The following MGAT4C variants were observed in gnomAD, a reference collection of about 807,000 sequenced individuals.
MGAT4C encodes MGAT4 family member C, also known as alpha-1,3-mannosyl-glycoprotein 4-beta-N-acetylglucosaminyltransferase C.
Under a neutral mutation model 40.1 loss-of-function variants are expected in MGAT4C, and 19 were observed. That is an observed-to-expected ratio of 0.47 (90% confidence interval 0.33 to 0.70). The LOEUF is 0.70. MGAT4C is among the 30% of genes least tolerant of loss of function. The probability of loss-of-function intolerance (pLI) is 0.02; values close to 1 mark genes in which losing one functional copy is unlikely to be tolerated. For synonymous variants in MGAT4C, 181 were observed against 187.1 expected, an observed-to-expected ratio of 0.97 and a Z score of 0.27; for missense variants, 491 against 563.2, an observed-to-expected ratio of 0.87 and a Z score of 1.30.
At chr12:86,406,079 A>G (rs1252646068) in intron 3 of MGAT4C, among the ~76,000 whole-genome samples, 1 of 146,628 alleles carries the variant, frequency 6.8e-6, no homozygotes, top group African/African-American at 2.5e-5. Context: ...TTATATATAT[A>G]TAAAACTTTG....
intron 2 of MGAT4C, among the ~76,000 whole-genome samples, chr12:86,033,486 G>A (rs1214119087): frequency 2.0e-5 from 3 of 149,292 alleles, no homozygotes; most frequent in Non-Finnish European, 4.5e-5. Flanking sequence ...CTAGTTAGCT[G>A]TATTTCTAGG....
chr12:86,297,705 A>T (rs2136136074), intron 4 of MGAT4C, among the ~76,000 whole-genome samples: 1 of 152,298 alleles, frequency 6.6e-6, no homozygotes, highest in Middle Eastern at 3.4e-3. Context: ...ACCTTTGACT[A>T]CTATCAACTC....
intron 2 of MGAT4C, among the ~76,000 whole-genome samples, chr12:86,675,495 G>C (rs1964368926): frequency 6.6e-6 from 1 of 152,110 alleles, no homozygotes; most frequent in Non-Finnish European, 1.5e-5. Context: ...GATGACCAAG[G>C]CTTTTAAAGA....
At chr12:86,401,708 T>A (rs1277111142) in intron 3 of MGAT4C, among the ~76,000 whole-genome samples, 3 of 152,182 alleles carry the variant, frequency 2.0e-5, no homozygotes, top group Non-Finnish European at 4.4e-5. Flanking sequence ...CAGCACATTA[T>A]AACATTAGCA....
At chr12:86,407,730 G>A (rs1373693062) in intron 3 of MGAT4C, among the ~76,000 whole-genome samples, 4 of 152,044 alleles carry the variant, frequency 2.6e-5, no homozygotes, top group East Asian at 1.9e-4. Context: ...CATACTCCTC[G>A]CTACTCTGTA....
chr12:85,990,580 T>C (rs1040393803), intron 2 of MGAT4C, among the ~76,000 whole-genome samples: 1 of 152,092 alleles, frequency 6.6e-6, no homozygotes, highest in African/African-American at 2.4e-5. Flanking sequence ...AAATCTTATC[T>C]CTTCAATGAA....
At position 85,979,004 on chromosome 12, in the gene MGAT4C, A is replaced by G. The variant is rs1488892509; in HGVS notation, c.*285T>C. The G allele has an allele frequency of 9.2e-6, 2 of 217,518 alleles. No homozygotes were observed. Among genetic ancestry groups the G allele is most frequent in the Non-Finnish European group, 1.8e-5 (2 of 110,284 alleles). The allele number at this position is 217,518 out of a possible 1,614,324, so 13.5% of individuals were successfully genotyped here. On this transcript the variant is annotated 3_prime_UTR_variant, in exon 5 of 5. Coordinates refer to ENST00000611864, the MANE Select transcript of MGAT4C (RefSeq NM_001351288.2). The stretch of plus-strand genomic sequence containing the variant: ...AAATTTTTTTCATTTAAAATCTTTC[A>G]TATTACCCTTTCGACAATCAGTTGA...
intron 1 of MGAT4C, among the ~76,000 whole-genome samples, chr12:86,244,386 A>C (rs2136054462): frequency 6.6e-6 from 1 of 152,294 alleles, no homozygotes; most frequent in East Asian, 1.9e-4. Context: ...TCCTTCTAAA[A>C]GTAGCTTTAT....
intron 3 of MGAT4C, among the ~76,000 whole-genome samples, chr12:86,334,348 C>T (rs2136176595): frequency 6.6e-6 from 1 of 152,190 alleles, no homozygotes; most frequent in East Asian, 1.9e-4. Flanking sequence ...AGAAACTTAA[C>T]TAAGGCTATG....
intron 2 of MGAT4C, among the ~76,000 whole-genome samples, chr12:86,699,990 C>G (rs758301550): frequency 6.7e-6 from 1 of 149,176 alleles, no homozygotes; most frequent in South Asian, 2.1e-4. Flanking sequence ...TATAATTGGG[C>G]CTATGCAGTT....
chr12:86,319,059 C>T (rs1339896606), intron 4 of MGAT4C, among the ~76,000 whole-genome samples: 3 of 152,166 alleles, frequency 2.0e-5, no homozygotes, highest in Non-Finnish European at 1.5e-5. Flanking sequence ...TACCCTTCTA[C>T]AAGACTCAGG....
intron 3 of MGAT4C, among the ~76,000 whole-genome samples, chr12:86,357,810 C>A (rs1955351988): frequency 6.6e-6 from 1 of 152,106 alleles, no homozygotes; most frequent in Admixed American, 6.5e-5. Context: ...ACAAAGCCTG[C>A]AAGAAACATG....
chr12:86,632,858 T>C (rs1681501442), intron 2 of MGAT4C, among the ~76,000 whole-genome samples: 1 of 152,010 alleles, frequency 6.6e-6, no homozygotes, highest in African/African-American at 2.4e-5. Flanking sequence ...TATACATGTG[T>C]AACAAACCTG....
intron 2 of MGAT4C, among the ~76,000 whole-genome samples, chr12:86,661,081 G>A (rs1374968216): frequency 6.6e-6 from 1 of 152,050 alleles, no homozygotes; most frequent in African/African-American, 2.4e-5. Flanking sequence ...TGGTTAAAAA[G>A]TTTATGGGTA....
chr12:86,342,902 G>A (rs760868355), intron 3 of MGAT4C, among the ~76,000 whole-genome samples: 5 of 152,034 alleles, frequency 3.3e-5, no homozygotes, highest in African/African-American at 4.8e-5. Context: ...AAGAAAGATC[G>A]CTGCAAACAG....
chr12:86,529,851 C>A (rs368827522), intron 2 of MGAT4C, among the ~76,000 whole-genome samples: 1 of 151,920 alleles, frequency 6.6e-6, no homozygotes, highest in African/African-American at 2.4e-5. Flanking sequence ...TACCAAAAAT[C>A]TGTACATGTT....
chr12:86,586,412 C>T lies in MGAT4C; in HGVS notation c.-229+140797G>A, dbSNP rs374620353. Among the ~76,000 whole-genome samples, 195 of 51,364 alleles carry T rather than the reference C, an allele frequency of 3.8e-3. 21 individuals are homozygous for T. The highest frequency in any genetic ancestry group is 9.1e-3 in the African/African-American group (188 of 20,604). 33.7% of individuals were successfully genotyped at this position (51,364 alleles called of 152,430 possible). On this transcript the variant is annotated intron_variant, in intron 2 of 7. Coordinates refer to the MGAT4C transcript ENST00000548651. ...TGTGAATAGTGCCGCAATAAACATA[C>T]GTGTGCATGTATCTTTATAGCAGCA... is the stretch of plus-strand genomic sequence containing the variant.
chr12:86,128,200 T>C (rs1245615599), intron 1 of MGAT4C, among the ~76,000 whole-genome samples: 3 of 152,176 alleles, frequency 2.0e-5, no homozygotes, highest in African/African-American at 7.2e-5. Flanking sequence ...TGGGATCACT[T>C]TCATACATGC....
At chr12:85,987,642 G>A (rs569572925) in intron 3 of MGAT4C, among the ~76,000 whole-genome samples, 3 of 152,194 alleles carry the variant, frequency 2.0e-5, no homozygotes, top group South Asian at 2.1e-4. Flanking sequence ...TGCAAAACAG[G>A]AACATAGCAT....
Sources: gnomAD v4.1 joint callset for allele counts (sites outside exome capture counted in the v4.1 genomes callset) on GRCh38, gnomAD v4.1.1 for gene constraint, MANE v1.5 for transcripts, NCBI Gene and HGNC (gene_info 2026-07-23, HGNC 2026-07-21) for gene names.